The following CYP2C19 variants were observed in gnomAD, a reference collection of about 807,000 sequenced individuals.
The protein encoded by CYP2C19 is cytochrome P450 2C19.
A neutral mutation model predicts 40.9 loss-of-function variants in CYP2C19; 59 were observed. That is an observed-to-expected ratio of 1.44 (90% CI 1.17 to 1.79). The LOEUF (loss-of-function observed/expected upper bound fraction) is 1.79. CYP2C19 is among the 40% of genes most tolerant of loss of function. The pLI, the probability that CYP2C19 is intolerant of heterozygous loss-of-function variation, is 0.00. For missense variants in CYP2C19, 754 were observed against 596.9 expected (o/e 1.26, Z -2.74); for synonymous variants, 253 against 208.7 (o/e 1.21, Z -1.83).
intron 6 of CYP2C19, among the ~76,000 whole-genome samples, chr10:94,831,582 G>A (rs183782864): frequency 1.3e-5 from 2 of 152,188 alleles, no homozygotes; most frequent in East Asian, 3.9e-4. Context: ...CTGTCTTTTG[G>A]ATATAAGCCA....
Position 94,835,474 on chromosome 10 carries a change from G to A in CYP2C19, c.962-7363G>A, listed in dbSNP as rs142177558. On this transcript the variant is annotated intron_variant, in intron 6 of 8. Transcript: ENST00000371321. ...GCTGAGTATTGGGGCTTGGTTTCCC[G>A]GAGGGGATTACCCCATACTAGGGGT... Among the ~76,000 whole-genome samples the A allele has an allele frequency of 3.6e-3, 548 of 152,220 alleles. 4 individuals carry two copies. Among genetic ancestry groups the A allele is most frequent in the African/African-American group, 0.011 (457 of 41,528 alleles).
At chr10:94,851,277 T>G (rs1849650090) in intron 8 of CYP2C19, among the ~76,000 whole-genome samples, 1 of 151,748 alleles carries the variant, frequency 6.6e-6, no homozygotes, top group Admixed American at 6.6e-5. Flanking sequence ...TACACACTTT[T>G]AAACAACCAG....
intron 6 of CYP2C19, among the ~76,000 whole-genome samples, chr10:94,829,789 T>C (rs1247541016): frequency 6.6e-6 from 1 of 151,560 alleles, no homozygotes; most frequent in African/African-American, 2.4e-5. Flanking sequence ...TGTGGTTTTA[T>C]CTACTTTTGG....
chr10:94,837,491 C>T (rs1372859858), intron 6 of CYP2C19, among the ~76,000 whole-genome samples: 2 of 152,138 alleles, frequency 1.3e-5, no homozygotes, highest in African/African-American at 2.4e-5. Context: ...TGTATAATGG[C>T]CCCTGGTTTT....
chr10:94,823,736 TG>T (rs1849165622), intron 6 of CYP2C19, among the ~76,000 whole-genome samples: 1 of 152,238 alleles, frequency 6.6e-6, no homozygotes, highest in Non-Finnish European at 1.5e-5. Flanking sequence ...AGAAATAGTG[TG>T]TTTTCAGACT....
chr10:94,768,514 C>G (rs1012007744), intron 1 of CYP2C19, among the ~76,000 whole-genome samples: 2 of 152,150 alleles, frequency 1.3e-5, no homozygotes, highest in East Asian at 3.9e-4. Context: ...ATTTGAAGCA[C>G]CAGTCCCTCA....
intron 8 of CYP2C19, among the ~76,000 whole-genome samples, chr10:94,852,123 G>C (rs528793074): frequency 6.7e-4 from 102 of 152,282 alleles, no homozygotes; most frequent in African/African-American, 2.3e-3. Flanking sequence ...TAGGGGAGGT[G>C]AAGAGTGTAA....
intron 5 of CYP2C19, among the ~76,000 whole-genome samples, chr10:94,802,542 G>T (rs1290029364): frequency 6.6e-6 from 1 of 151,986 alleles, no homozygotes; most frequent in East Asian, 1.9e-4. Flanking sequence ...TATCCAATTT[G>T]CCAGTCTGTG....
intron 2 of CYP2C19, 40 bp from the exon 3 acceptor site, chr10:94,775,350 C>G: frequency 6.2e-7 from 1 of 1,612,698 alleles, no homozygotes; most frequent in African/African-American, 1.3e-5. Context: ...CTCTTTCTTG[C>G]CTGGGATCTC....
At chr10:94,795,304 T>G (rs11498699) in intron 5 of CYP2C19, among the ~76,000 whole-genome samples, 30,579 of 151,810 alleles carry the variant, frequency 0.2, 3,306 homozygotes, top group Middle Eastern at 0.23. Flanking sequence ...GTTTCCAGCT[T>G]CATCCATGTC....
intron 5 of CYP2C19, among the ~76,000 whole-genome samples, chr10:94,797,566 C>A (rs1053454670): frequency 6.6e-6 from 1 of 151,980 alleles, no homozygotes; most frequent in Admixed American, 6.6e-5. Context: ...AAGGAGTGTA[C>A]CATCTCCTCT....
At chr10:94,790,564 A>T (rs2134245479) in intron 5 of CYP2C19, among the ~76,000 whole-genome samples, 1 of 152,284 alleles carries the variant, frequency 6.6e-6, no homozygotes, top group Admixed American at 6.5e-5. Context: ...AGAGCTGTTG[A>T]ATTTTGTCGA....
chr10:94,827,020 T>C (rs1288856113), intron 6 of CYP2C19, among the ~76,000 whole-genome samples: 3 of 152,134 alleles, frequency 2.0e-5, no homozygotes, highest in Non-Finnish European at 4.4e-5. Context: ...GCCCACTCGA[T>C]CATGGTGGAT....
At chr10:94,820,889 G>C (rs767262422) in intron 6 of CYP2C19, among the ~76,000 whole-genome samples, 1 of 152,136 alleles carries the variant, frequency 6.6e-6, no homozygotes, top group Admixed American at 6.5e-5. Context: ...TTCAAGACCA[G>C]CCTGGCCAAT....
chr10:94,790,807 C>G (rs1436870742), intron 5 of CYP2C19, among the ~76,000 whole-genome samples: 1 of 152,102 alleles, frequency 6.6e-6, no homozygotes, highest in Non-Finnish European at 1.5e-5. Context: ...CGATGTTCAT[C>G]AGGGATATTG....
intron 5 of CYP2C19, 120 bp from the exon 6 acceptor site, chr10:94,820,376 C>A: frequency 1.7e-6 from 2 of 1,154,792 alleles, no homozygotes; most frequent in Non-Finnish European, 2.5e-6. Flanking sequence ...ATATTTTTTT[C>A]TAGTACTATA....
intron 4 of CYP2C19, 76 bp downstream of exon 4, chr10:94,780,735 C>A (rs981139908): frequency 1.3e-6 from 2 of 1,523,876 alleles, no homozygotes; most frequent in Admixed American, 1.7e-5. Flanking sequence ...TCTATATTGA[C>A]CAAGCCCTGA....
At chr10:94,823,615 C>T (rs971610852) in intron 6 of CYP2C19, among the ~76,000 whole-genome samples, 1 of 151,916 alleles carries the variant, frequency 6.6e-6, no homozygotes, top group African/African-American at 2.4e-5. Flanking sequence ...TTCAGGACAC[C>T]AGAATTAAAG....
intron 7 of CYP2C19, among the ~76,000 whole-genome samples, chr10:94,847,293 G>T (rs1410552684): frequency 6.6e-6 from 1 of 151,912 alleles, no homozygotes; most frequent in Non-Finnish European, 1.5e-5. Flanking sequence ...TGTTCTCATT[G>T]TTCAATTCCC....
Sources: allele counts gnomAD v4.1 joint callset (sites outside exome capture counted in the v4.1 genomes callset), GRCh38; gene constraint gnomAD v4.1.1; transcripts MANE v1.5; gene names NCBI Gene and HGNC (gene_info 2026-07-23, HGNC 2026-07-21).